UNC45A: variants seen among roughly 807,000 people sequenced by gnomAD.
The protein encoded by UNC45A is protein unc-45 homolog A.
Under a neutral mutation model 103.2 loss-of-function variants are expected in UNC45A, and 78 were observed. That is an observed-to-expected ratio of 0.76 (90% confidence interval 0.63 to 0.91). The LOEUF (loss-of-function observed/expected upper bound fraction) is 0.91. Among genes scored for constraint, UNC45A ranks in the 40% least tolerant of loss-of-function variants. UNC45A has a pLI of 0.00. For missense variants in UNC45A, 1,193 were observed against 1,224.8 expected (o/e 0.97, Z 0.39); for synonymous variants, 495 against 504.6 (o/e 0.98, Z 0.25).
In UNC45A at chr15:90,940,637, T is replaced by A. The variant is rs182552464; in HGVS notation, c.687+164T>A. The A allele has an allele frequency of 1.9e-5, 16 of 831,866 alleles. No homozygotes were observed. The African/African-American group carries it at 2.8e-4, about 15-fold the overall frequency. The allele number at this position is 831,866 out of a possible 1,614,324, so 51.5% of individuals were successfully genotyped here. Reference sequence around the variant, plus strand: ...TTATTCTAAAAAGAACTTAGGTAGGTTATGGTGCCTCACACCTGTAATCCC... The same window carrying A: ...TTATTCTAAAAAGAACTTAGGTAGGATATGGTGCCTCACACCTGTAATCCC... On this transcript the variant is annotated intron_variant, in intron 6 of 19. Coordinates refer to ENST00000418476, the MANE Select transcript of UNC45A (RefSeq NM_018671.5).
At chr15:90,939,696 C>A in intron 4 of UNC45A, 35 bp from the exon 5 acceptor site, 1 of 1,610,016 alleles carries the variant, frequency 6.2e-7, no homozygotes, top group Non-Finnish European at 8.5e-7. Flanking sequence ...TGGCCAAGAG[C>A]CGTGATTTGT....
At chr15:90,930,876 T>C (rs1441015022), upstream of UNC45A, 1 of 225,600 alleles carries the variant, frequency 4.4e-6, no homozygotes, top group Non-Finnish European at 9.0e-6. Flanking sequence ...AGGAAAGATA[T>C]GCAGCCCACC....
chr15:90,950,041 C>T (rs1044217776), intron 15 of UNC45A, 113 bp from the exon 16 acceptor site: 1 of 1,010,686 alleles, frequency 9.9e-7, no homozygotes, highest in Non-Finnish European at 1.5e-6. Context: ...CACAGGGAGT[C>T]AAGCCTGGGG....
At chr15:90,941,026 A>C (rs891297849) in intron 6 of UNC45A, 4 of 152,210 alleles carry the variant, frequency 2.6e-5, no homozygotes, top group African/African-American at 9.7e-5. Flanking sequence ...ATTAGGATGA[A>C]GTGGGGTAGA....
upstream of UNC45A, chr15:90,932,249 G>T: frequency 1.0e-6 from 1 of 960,532 alleles, no homozygotes. Context: ...TACCCTCTGG[G>T]AGCCAACCGA....
chr15:90,935,081 C>G, upstream of UNC45A: 1 of 580,542 alleles, frequency 1.7e-6, no homozygotes, highest in African/African-American at 2.0e-5. Flanking sequence ...TCTGGGTCCT[C>G]CGCCGCGAGC....
upstream of UNC45A, chr15:90,933,834 C>T: frequency 2.6e-6 from 1 of 387,578 alleles, no homozygotes. Context: ...TTTGGCAATG[C>T]AGGCCCCACG....
chr15:90,949,264 CT>C, intron 13 of UNC45A, 51 bp from the exon 14 acceptor site: 1 of 1,579,636 alleles, frequency 6.3e-7, no homozygotes, highest in Non-Finnish European at 8.6e-7. Flanking sequence ...AAGGGTCCCC[CT>C]TTCTCTGTGA....
intron 16 of UNC45A, 37 bp from the exon 17 acceptor site, chr15:90,950,463 C>T (rs770754426): frequency 6.3e-5 from 101 of 1,603,292 alleles, no homozygotes; most frequent in Non-Finnish European, 7.9e-5. Context: ...GTGGGGGCTG[C>T]GGCAAGTACC....
chr15:90,948,358 C>G (rs2036691941), intron 12 of UNC45A, 75 bp downstream of exon 12: 2 of 1,583,790 alleles, frequency 1.3e-6, no homozygotes, highest in Non-Finnish European at 1.7e-6. Flanking sequence ...CTCGGCAGGG[C>G]TTGGCCAATG....
At chr15:90,931,370 A>T (rs748092184), upstream of UNC45A, 1 of 1,557,110 alleles carries the variant, frequency 6.4e-7, no homozygotes, top group Non-Finnish European at 8.7e-7. Context: ...TGCGCTGCCC[A>T]CTCGAAGTAT....
At chr15:90,930,428 G>C (rs2035749733), upstream of UNC45A, 1 of 152,314 alleles carries the variant, frequency 6.6e-6, no homozygotes. Context: ...GCAGTGGCGC[G>C]ATCTCGGCTC....
rs1363009948 is a variant in UNC45A at position 90,944,264 on chromosome 15, G to C, written c.1028-628G>C. Among the ~76,000 whole-genome samples the C allele has an allele frequency of 1.3e-5, 2 of 151,812 alleles. 1 individual carries two copies. The highest frequency in any genetic ancestry group is 2.9e-5 in the Non-Finnish European group (2 of 67,962). On this transcript the variant is annotated intron_variant, in intron 8 of 19. Coordinates refer to ENST00000418476, the MANE Select transcript of UNC45A (RefSeq NM_018671.5). ...TAGCCAGGCATGCTGGCATGCACCTGTAATCCCAGCTATTCTGGAGGCTGA... is the reference window on the plus strand; with the variant it reads ...TAGCCAGGCATGCTGGCATGCACCTCTAATCCCAGCTATTCTGGAGGCTGA...
upstream of UNC45A, chr15:90,934,669 G>T (rs2151352053): frequency 5.0e-6 from 2 of 398,186 alleles, no homozygotes; most frequent in East Asian, 7.1e-5. Context: ...GGGACAGACC[G>T]CAACAGAAAA....
chr15:90,950,307 C>G, intron 16 of UNC45A, 40 bp downstream of exon 16: 1 of 1,544,998 alleles, frequency 6.5e-7, no homozygotes, highest in East Asian at 2.4e-5. Flanking sequence ...CTCCCTCTGT[C>G]CCTGATGGCC....
chr15:90,939,880 G>GCACCCTTCACCCATGTA, intron 5 of UNC45A, 57 bp downstream of exon 5: 27 of 1,537,000 alleles, frequency 1.8e-5, no homozygotes, highest in African/African-American at 9.6e-5. Flanking sequence ...CCCATCCATA[G>GCACCCTTCACCCATGTA]GCCCCCGAAG....
Position 90,946,536 on chromosome 15 carries a change from C to T in UNC45A, c.1200-78C>T, listed in dbSNP as rs1169799878. On this transcript the variant is annotated intron_variant, in intron 9 of 19. Transcript: ENST00000418476. Reference sequence around the variant, plus strand: ...CTGCCCAAGTAGTGCAGGTGCCTGGCCAGTGGAGGGGAAGGGAGGGAAGAA... The same window carrying T: ...CTGCCCAAGTAGTGCAGGTGCCTGGTCAGTGGAGGGGAAGGGAGGGAAGAA... 6 of 1,454,564 alleles carry T rather than the reference C, an allele frequency of 4.1e-6. No individual in the cohort carries two copies. In the African/African-American group the frequency reaches 7.0e-5, roughly 17 times the overall value. The allele number at this position is 1,454,564 out of a possible 1,614,324, so 90.1% of individuals were successfully genotyped here. A position where few individuals can be genotyped will look rare whatever the true frequency, so the allele number is the denominator to read the frequency against.
chr15:90,950,655 G>T (rs759946463), intron 17 of UNC45A, 40 bp downstream of exon 17: 2 of 1,594,140 alleles, frequency 1.3e-6, no homozygotes, highest in Non-Finnish European at 1.7e-6. Flanking sequence ...ACCAGGCATC[G>T]GGATTCGGAA....
Position 90,948,125 on chromosome 15 carries a change from A to G in UNC45A, c.1596-17A>G, listed in dbSNP as rs751769248. 1.9e-6 allele frequency: 3 copies of G among 1,613,656 alleles called. 1 individual carries two copies. Among genetic ancestry groups the G allele is most frequent in the Non-Finnish European group, 8.5e-7 (1 of 1,179,996 alleles). ...CCCCCAATCCTGAGGGTCGTCCACT[A>G]TCCTGCGTGTCCCCAGGTGGCTGTG... On this transcript the variant is annotated splice_polypyrimidine_tract_variant and intron_variant, in intron 11 of 19. Coordinates refer to ENST00000418476, the MANE Select transcript of UNC45A (RefSeq NM_018671.5).
Sources: allele counts gnomAD v4.1 joint callset (sites outside exome capture counted in the v4.1 genomes callset), GRCh38; gene constraint gnomAD v4.1.1; transcripts MANE v1.5; gene names NCBI Gene and HGNC (gene_info 2026-07-23, HGNC 2026-07-21).